Variants in NEK11 observed in about 807,000 individuals in gnomAD.
NEK11 encodes the protein NIMA related kinase 11.
NEK11 carries 72 observed loss-of-function variants against 80.7 expected under a neutral mutation model. The observed-to-expected ratio is 0.89, with a 90% CI of 0.74 to 1.08. The LOEUF (loss-of-function observed/expected upper bound fraction) is 1.08. Among genes scored for constraint, NEK11 ranks in the 50% least tolerant of loss-of-function variants. NEK11 has a pLI of 0.00. For missense variants in NEK11, 764 were observed against 763.6 expected (o/e 1.00, Z -0.01); for synonymous variants, 251 against 260.7 (o/e 0.96, Z 0.36).
At chr3:131,259,877 T>C (rs1273474011) in intron 16 of NEK11, among the ~76,000 whole-genome samples, 1 of 152,138 alleles carries the variant, frequency 6.6e-6, no homozygotes, top group Non-Finnish European at 1.5e-5. Flanking sequence ...GCATAGTGCA[T>C]CTCCATTTCT....
At chr3:131,163,398 A>C (rs79936607) in intron 11 of NEK11, among the ~76,000 whole-genome samples, 2,046 of 152,346 alleles carry the variant, frequency 0.013, 28 homozygotes, top group East Asian at 0.079. Context: ...ACAATGGAGT[A>C]CTATTTAGCC....
chr3:131,115,942 C>CTT (rs770703043), intron 5 of NEK11, among the ~76,000 whole-genome samples: 1 of 117,876 alleles, frequency 8.5e-6, no homozygotes, highest in African/African-American at 3.2e-5. Context: ...TTCTTTCTTT[C>CTT]TTTCTTTCTT....
In NEK11 at chr3:131,316,300, A is replaced by G. The variant is rs945974781; in HGVS notation, c.1719-33257A>G. Among the ~76,000 whole-genome samples the G allele has an allele frequency of 2.0e-5, 3 of 152,212 alleles. No individual in the cohort carries two copies. In the East Asian group the frequency reaches 5.8e-4, roughly 29 times the overall value. ...AATCTAAAGTGAATACTGCCATATTAGAAACTTTTCTTGTGTGTCCTTAAT... is the reference window on the plus strand; with the variant it reads ...AATCTAAAGTGAATACTGCCATATTGGAAACTTTTCTTGTGTGTCCTTAAT... On this transcript the variant is annotated intron_variant, in intron 17 of 17. Coordinates refer to ENST00000383366, the MANE Select transcript of NEK11 (RefSeq NM_024800.5).
intron 5 of NEK11, among the ~76,000 whole-genome samples, chr3:131,122,794 G>A (rs2082616475): frequency 6.6e-6 from 1 of 152,176 alleles, no homozygotes; most frequent in Admixed American, 6.5e-5. Context: ...TCCACAGACT[G>A]TTCTTCATCC....
At chr3:131,052,723 A>G (rs1006967634) in intron 3 of NEK11, among the ~76,000 whole-genome samples, 2 of 152,172 alleles carry the variant, frequency 1.3e-5, no homozygotes, top group African/African-American at 4.8e-5. Context: ...CATTTGATAG[A>G]ATGAAACACT....
chr3:131,259,781 G>A (rs76184340), intron 16 of NEK11, among the ~76,000 whole-genome samples: 1,889 of 152,258 alleles, frequency 0.012, 38 homozygotes, highest in African/African-American at 0.043. Context: ...GCTTTCTGAG[G>A]CTGAAGAATT....
chr3:131,129,351 G>T (rs112404373), intron 5 of NEK11, among the ~76,000 whole-genome samples: 5 of 152,142 alleles, frequency 3.3e-5, no homozygotes, highest in African/African-American at 9.7e-5. Flanking sequence ...ACTGCACCCG[G>T]CCAACAGTCT....
intron 16 of NEK11, among the ~76,000 whole-genome samples, chr3:131,272,463 C>CTTTTTTTTTTATTTTTTTTTTTTTTT: frequency 2.3e-5 from 1 of 43,884 alleles, no homozygotes; most frequent in Non-Finnish European, 4.1e-5. Flanking sequence ...GTTTTAGCTT[C>CTTTTTTTTTTATTTTTTTTTTTTTTT]TTTTTTTTTT....
At chr3:131,232,484 G>A (rs79302665) in intron 15 of NEK11, among the ~76,000 whole-genome samples, 1,786 of 152,294 alleles carry the variant, frequency 0.012, 41 homozygotes, top group African/African-American at 0.041. Context: ...TAATGAATGT[G>A]GCTGTCACTG....
At chr3:131,303,928 A>G (rs889602791) in intron 17 of NEK11, among the ~76,000 whole-genome samples, 1 of 152,074 alleles carries the variant, frequency 6.6e-6, no homozygotes, top group African/African-American at 2.4e-5. Context: ...TTTATAGACA[A>G]TATCCTTAAA....
At chr3:131,030,457 T>C (rs1335057453) in intron 3 of NEK11, among the ~76,000 whole-genome samples, 1 of 152,214 alleles carries the variant, frequency 6.6e-6, no homozygotes, top group Non-Finnish European at 1.5e-5. Flanking sequence ...GTGACAATAT[T>C]ACTTCCACTT....
chr3:131,176,822 GGC>G (rs2093044447), intron 14 of NEK11, among the ~76,000 whole-genome samples: 1 of 152,068 alleles, frequency 6.6e-6, no homozygotes, highest in East Asian at 1.9e-4. Context: ...CGCCTGGGAA[GGC>G]TATATGTCAT....
At chr3:131,029,297 TAAG>T (rs1352676971) in intron 2 of NEK11, among the ~76,000 whole-genome samples, 1 of 152,226 alleles carries the variant, frequency 6.6e-6, no homozygotes, top group Non-Finnish European at 1.5e-5. Flanking sequence ...GATTCTTTTA[TAAG>T]TAGTTGGGGA....
intron 14 of NEK11, among the ~76,000 whole-genome samples, chr3:131,203,932 A>G (rs950456439): frequency 2.6e-5 from 4 of 150,948 alleles, no homozygotes; most frequent in African/African-American, 9.7e-5. Context: ...CTCACCTACA[A>G]TAGAACTCTA....
chr3:131,115,296 A>G (rs368374606), intron 5 of NEK11, among the ~76,000 whole-genome samples: 2 of 152,132 alleles, frequency 1.3e-5, no homozygotes, highest in Non-Finnish European at 2.9e-5. Context: ...GAATTACACT[A>G]TTGGCTTTCC....
intron 3 of NEK11, among the ~76,000 whole-genome samples, chr3:131,032,748 T>A (rs1304511769): frequency 1.3e-5 from 2 of 152,226 alleles, no homozygotes; most frequent in Non-Finnish European, 2.9e-5. Flanking sequence ...CATAGGATTG[T>A]AATAAGAATA....
intron 14 of NEK11, among the ~76,000 whole-genome samples, chr3:131,227,463 G>A (rs1009592171): frequency 9.2e-5 from 14 of 152,006 alleles, no homozygotes; most frequent in African/African-American, 3.4e-4. Context: ...CACAGAAATT[G>A]GAGCTCTGTG....
intron 16 of NEK11, among the ~76,000 whole-genome samples, chr3:131,258,787 C>T (rs904312974): frequency 2.6e-5 from 4 of 152,072 alleles, no homozygotes; most frequent in African/African-American, 9.7e-5. Flanking sequence ...TATTTTCTAT[C>T]TTCTGGTATT....
chr3:131,115,920 T>G (rs1304196680), intron 5 of NEK11, among the ~76,000 whole-genome samples: 1 of 97,168 alleles, frequency 1.0e-5, no homozygotes, highest in Non-Finnish European at 2.2e-5. Context: ...CTTTCTTTCT[T>G]TCTTTCTTTC....
Sources: allele counts gnomAD v4.1 joint callset (sites outside exome capture counted in the v4.1 genomes callset), GRCh38; gene constraint gnomAD v4.1.1; transcripts MANE v1.5; gene names NCBI Gene and HGNC (gene_info 2026-07-23, HGNC 2026-07-21).